RPS6KC1: variants seen among roughly 807,000 people sequenced by gnomAD.
The protein encoded by RPS6KC1 is ribosomal protein S6 kinase C1, also known as inactive ribosomal protein S6 kinase delta-1.
RPS6KC1 carries 54 observed loss-of-function variants against 103.8 expected under a neutral mutation model. The ratio of observed to expected loss-of-function variants is 0.52; its 90% CI spans 0.42 to 0.65. The LOEUF (loss-of-function observed/expected upper bound fraction) is 0.65, where lower values mean the gene tolerates loss of function less well. Ranked by LOEUF, RPS6KC1 falls within the 30% of genes least tolerant of loss-of-function variation. RPS6KC1 has a pLI of 0.00. For missense variants in RPS6KC1, 1,151 were observed against 1,253.8 expected (o/e 0.92, Z 1.24); for synonymous variants, 439 against 438.7 (o/e 1.00, Z -0.01).
the RPS6KC1 span, among the ~76,000 whole-genome samples, chr1:213,858,762 A>G: frequency 3.3e-4 from 51 of 152,282 alleles, no homozygotes; most frequent in South Asian, 1.0e-2. Context: ...TAACATAACC[A>G]AATGTTTTCT....
At chr1:213,773,607 G>A in the RPS6KC1 span, among the ~76,000 whole-genome samples, 12 of 151,312 alleles carry the variant, frequency 7.9e-5, no homozygotes, top group Non-Finnish European at 1.8e-4. Flanking sequence ...TTTCTTATGG[G>A]AAATTGCATT....
chr1:213,450,769 A>G, the RPS6KC1 span, among the ~76,000 whole-genome samples: 1 of 152,184 alleles, frequency 6.6e-6, no homozygotes, highest in African/African-American at 2.4e-5. Context: ...TGAGGTCAGG[A>G]GTTCGAGACC....
the RPS6KC1 span, among the ~76,000 whole-genome samples, chr1:213,706,948 T>A: frequency 2.6e-5 from 4 of 152,234 alleles, no homozygotes; most frequent in Admixed American, 6.5e-5. Context: ...CTGTCTGTCA[T>A]TGATGGGCAT....
At chr1:213,115,495 A>G (rs2083487256) in intron 4 of RPS6KC1, among the ~76,000 whole-genome samples, 1 of 152,082 alleles carries the variant, frequency 6.6e-6, no homozygotes, top group Non-Finnish European at 1.5e-5. Context: ...TGATCCTTTC[A>G]AAAAACCAGC....
the RPS6KC1 span, among the ~76,000 whole-genome samples, chr1:213,642,357 C>T: frequency 6.6e-6 from 1 of 152,100 alleles, no homozygotes; most frequent in Non-Finnish European, 1.5e-5. Context: ...TTTATCTTAC[C>T]TGGGACCAGT....
chr1:213,625,322 A>G, the RPS6KC1 span, among the ~76,000 whole-genome samples: 1 of 152,158 alleles, frequency 6.6e-6, no homozygotes, highest in Non-Finnish European at 1.5e-5. Context: ...CTATATTTTT[A>G]TATGTGTGTA....
intron 3 of RPS6KC1, among the ~76,000 whole-genome samples, chr1:213,101,332 C>T (rs957934498): frequency 2.0e-5 from 3 of 152,102 alleles, no homozygotes; most frequent in East Asian, 1.9e-4. Flanking sequence ...GTTCCTTTAT[C>T]GTATTTGTTC....
chr1:213,140,056 A>G (rs557982945), intron 6 of RPS6KC1, among the ~76,000 whole-genome samples: 2 of 151,938 alleles, frequency 1.3e-5, no homozygotes, highest in East Asian at 3.9e-4. Flanking sequence ...GAGATCGTTT[A>G]CCTCCCTGGT....
At chr1:213,636,539 T>C in the RPS6KC1 span, among the ~76,000 whole-genome samples, 2 of 152,072 alleles carry the variant, frequency 1.3e-5, no homozygotes, top group Non-Finnish European at 2.9e-5. Flanking sequence ...TAATAAATGG[T>C]GCTGGGAGAA....
chr1:213,401,350 G>A, the RPS6KC1 span, among the ~76,000 whole-genome samples: 1 of 152,206 alleles, frequency 6.6e-6, no homozygotes, highest in Non-Finnish European at 1.5e-5. Flanking sequence ...ACAGCCAAGT[G>A]GCTGAGCCAG....
chr1:213,141,432 G>A (rs1174310552), intron 6 of RPS6KC1, among the ~76,000 whole-genome samples: 2 of 151,964 alleles, frequency 1.3e-5, no homozygotes, highest in East Asian at 3.9e-4. Flanking sequence ...AGTCTCTGAA[G>A]GTTTTTTTAT....
intron 4 of RPS6KC1, among the ~76,000 whole-genome samples, chr1:213,110,224 T>G (rs1456334306): frequency 6.6e-6 from 1 of 152,224 alleles, no homozygotes; most frequent in Non-Finnish European, 1.5e-5. Flanking sequence ...TAGTTTCGAT[T>G]GACTGGTTAC....
the RPS6KC1 span, among the ~76,000 whole-genome samples, chr1:213,547,458 C>T: frequency 3.9e-5 from 6 of 152,156 alleles, no homozygotes; most frequent in African/African-American, 9.7e-5. Context: ...AACCATTTGA[C>T]GTTATCTAGC....
the RPS6KC1 span, among the ~76,000 whole-genome samples, chr1:213,530,881 C>G: frequency 1.3e-5 from 2 of 152,346 alleles, no homozygotes; most frequent in South Asian, 4.1e-4. Flanking sequence ...AGTCCTGCCA[C>G]TGATGTTTTG....
intron 4 of RPS6KC1, among the ~76,000 whole-genome samples, chr1:213,114,840 T>C (rs1293391238): frequency 6.6e-6 from 1 of 152,254 alleles, no homozygotes; most frequent in Non-Finnish European, 1.5e-5. Context: ...GTTCTGTTTA[T>C]ATGCTGGATT....
At chr1:213,370,609 T>G in the RPS6KC1 span, among the ~76,000 whole-genome samples, 3 of 152,184 alleles carry the variant, frequency 2.0e-5, no homozygotes, top group African/African-American at 7.2e-5. Flanking sequence ...ATGCTCTTAC[T>G]GAGCCAGAGC....
chr1:213,599,434 A>G, the RPS6KC1 span, among the ~76,000 whole-genome samples: 1 of 21,192 alleles, frequency 4.7e-5, no homozygotes, highest in African/African-American at 7.6e-5. Context: ...AACACTGGAG[A>G]AAAAAAAAAA....
At chr1:213,341,744 A>T in the RPS6KC1 span, among the ~76,000 whole-genome samples, 1 of 152,198 alleles carries the variant, frequency 6.6e-6, no homozygotes. Flanking sequence ...GGATAAGAAA[A>T]TTGAGGCACA....
the RPS6KC1 span, among the ~76,000 whole-genome samples, chr1:213,359,980 G>T: frequency 6.6e-6 from 1 of 152,128 alleles, no homozygotes; most frequent in African/African-American, 2.4e-5. Flanking sequence ...CTCTCTGGCT[G>T]CCCTTAACAT....
Sources: allele counts gnomAD v4.1 joint callset (sites outside exome capture counted in the v4.1 genomes callset), GRCh38; gene constraint gnomAD v4.1.1; transcripts MANE v1.5; gene names NCBI Gene and HGNC (gene_info 2026-07-23, HGNC 2026-07-21).